Variants in TTC7B observed in about 807,000 individuals in gnomAD.
TTC7B encodes tetratricopeptide repeat protein 7B.
Under a neutral mutation model 106.8 loss-of-function variants are expected in TTC7B, and 28 were observed. The observed-to-expected ratio is 0.26, with a 90% CI of 0.19 to 0.36. The LOEUF (loss-of-function observed/expected upper bound fraction) is 0.36, where lower values mean the gene tolerates loss of function less well. Ranked by LOEUF, TTC7B falls within the 10% of genes least tolerant of loss-of-function variation. The probability of loss-of-function intolerance (pLI) is 1.00; values close to 1 mark genes in which losing one functional copy is unlikely to be tolerated. For synonymous variants in TTC7B, 405 were observed against 430.6 expected (o/e 0.94, Z 0.74); for missense variants, 862 against 1,076.4 (o/e 0.80, Z 2.79).
rs1889438273 is a variant in TTC7B, at chr14:90,537,252, T to G, written c.*4116A>C. On this transcript the variant is annotated 3_prime_UTR_variant, in exon 20 of 20. Transcript: ENST00000328459. ...TCATGCAGGCTGGACTGCGGTGGCG[T>G]GATCACTCACTGCAGCCTCAACCAC... is the stretch of plus-strand genomic sequence containing the variant. The G allele has an allele frequency of 6.6e-6, 1 of 152,234 alleles. No individual in the cohort carries two copies. The highest frequency in any genetic ancestry group is 2.4e-5 in the African/African-American group (1 of 41,432). 9.4% of individuals were successfully genotyped at this position (152,234 alleles called of 1,614,324 possible). A position where few individuals can be genotyped will look rare whatever the true frequency, so the allele number is the denominator to read the frequency against.
chr14:90,781,502 C>T (rs1891219144), intron 2 of TTC7B, among the ~76,000 whole-genome samples: 1 of 152,196 alleles, frequency 6.6e-6, no homozygotes, highest in African/African-American at 2.4e-5. Context: ...CTGCGGCTCC[C>T]TTCATCAGGC....
At chr14:90,680,639 T>A in intron 7 of TTC7B, 104 bp from the exon 8 acceptor site, 2 of 729,140 alleles carry the variant, frequency 2.7e-6, no homozygotes, top group South Asian at 1.7e-5. Flanking sequence ...ATAATACCCA[T>A]GAAAAATACT....
intron 6 of TTC7B, among the ~76,000 whole-genome samples, chr14:90,693,934 G>A (rs542381990): frequency 6.6e-6 from 1 of 152,264 alleles, no homozygotes; most frequent in South Asian, 2.1e-4. Flanking sequence ...ACTTGTACTT[G>A]CCCAAAAGTA....
At position 90,624,117 on chromosome 14, in the gene TTC7B, CGCGTGT is replaced by C. The variant is rs1884334877; in HGVS notation, c.1752-6078_1752-6073del. Reference sequence around the variant, plus strand: ...ATGTGTGCATGTGTGTGTGCGCGTGCGCGTGTGTGTGTTTTGTGACTTGTCTTTCAT... The same window carrying C: ...ATGTGTGCATGTGTGTGTGCGCGTGCGTGTGTTTTGTGACTTGTCTTTCAT... On this transcript the variant is annotated intron_variant, in intron 15 of 19. Coordinates refer to ENST00000328459, the MANE Select transcript of TTC7B (RefSeq NM_001010854.2). This position sits in a 1 kb window ranked among gnomAD's most constrained non-coding sequence, Gnocchi z 4.0. 6.6e-6 allele frequency among the ~76,000 whole-genome samples: 1 copy of C among 152,080 alleles called. No individual in the cohort carries two copies.
chr14:90,714,420 G>A (rs1888570755), intron 5 of TTC7B, among the ~76,000 whole-genome samples: 2 of 151,628 alleles, frequency 1.3e-5, no homozygotes, highest in South Asian at 4.2e-4. Flanking sequence ...GGAATGTTCT[G>A]AAACTGAATT....
chr14:90,627,216 G>C (rs1884483395), intron 15 of TTC7B, among the ~76,000 whole-genome samples: 1 of 152,092 alleles, frequency 6.6e-6, no homozygotes, highest in Admixed American at 6.5e-5. Flanking sequence ...GAACTCCCGG[G>C]CTCAAGAGAT....
At chr14:90,696,574 T>C (rs1338471381) in intron 5 of TTC7B, among the ~76,000 whole-genome samples, 1 of 152,212 alleles carries the variant, frequency 6.6e-6, no homozygotes, top group East Asian at 1.9e-4. Flanking sequence ...TGCAAAGATA[T>C]TAAATCAAAC....
chr14:90,685,905 T>C (rs1290618846), intron 7 of TTC7B, among the ~76,000 whole-genome samples: 1 of 152,144 alleles, frequency 6.6e-6, no homozygotes, highest in Non-Finnish European at 1.5e-5. Context: ...GTGGCTTCAC[T>C]GGTGAAGTCT....
intron 19 of TTC7B, among the ~76,000 whole-genome samples, chr14:90,548,121 A>G (rs1476447274): frequency 6.6e-6 from 1 of 152,214 alleles, no homozygotes; most frequent in East Asian, 1.9e-4. Context: ...GCTGATGGGC[A>G]GGCTCCCCTG....
intron 17 of TTC7B, among the ~76,000 whole-genome samples, chr14:90,607,459 G>A (rs1326237402): frequency 6.6e-6 from 1 of 152,222 alleles, no homozygotes; most frequent in East Asian, 1.9e-4. Flanking sequence ...ACCCGCCAGG[G>A]CTGGGTTCTC....
rs1479628806 is a variant in TTC7B at position 90,759,863 on chromosome 14, C to T, written c.446-14941G>A. ...TGTTAAAGAATGGCCCCGTCACAGG[C>T]ACCCCTGTGCAGCAGGCACTGTTGT... On this transcript the variant is annotated intron_variant, in intron 3 of 19. Coordinates refer to ENST00000328459, the MANE Select transcript of TTC7B (RefSeq NM_001010854.2). This position sits in a 1 kb window ranked among gnomAD's most constrained non-coding sequence, Gnocchi z 4.1. 2.6e-5 allele frequency among the ~76,000 whole-genome samples: 4 copies of T among 152,212 alleles called. No individual in the cohort carries two copies. The highest frequency in any genetic ancestry group is 6.5e-5 in the Admixed American group (1 of 15,280).
chr14:90,725,145 G>A (rs1180716463), intron 5 of TTC7B, among the ~76,000 whole-genome samples: 1 of 152,210 alleles, frequency 6.6e-6, no homozygotes, highest in African/African-American at 2.4e-5. Context: ...ACTGTCAAAA[G>A]TAGTGTGCAG....
In TTC7B at chr14:90,533,696, C is replaced by T. The variant is rs1168324729; in HGVS notation, c.*7672G>A. 6.6e-6 allele frequency: 1 copy of T among 152,274 alleles called. No individual in the cohort carries two copies. The highest frequency in any genetic ancestry group is 1.9e-4 in the East Asian group (1 of 5,196). The allele number at this position is 152,274 out of a possible 1,614,324, so 9.4% of individuals were successfully genotyped here. A position where few individuals can be genotyped will look rare whatever the true frequency, so the allele number is the denominator to read the frequency against. ...CCACAGCCCAGTGGTCACCAGGAAACCCTATTGTCCTCAGGGGGTCAAGGG... is the reference window on the plus strand; with the variant it reads ...CCACAGCCCAGTGGTCACCAGGAAATCCTATTGTCCTCAGGGGGTCAAGGG... On this transcript the variant is annotated 3_prime_UTR_variant, in exon 20 of 20. Coordinates refer to ENST00000328459, the MANE Select transcript of TTC7B (RefSeq NM_001010854.2).
rs1468697262 is a variant in TTC7B at position 90,807,727 on chromosome 14, A to C, written c.121+8448T>G. On this transcript the variant is annotated intron_variant, in intron 1 of 19. Transcript: ENST00000328459. The surrounding 1 kb of genome is among the most constrained non-coding windows in gnomAD (Gnocchi z 4.1). ...AGGCTGTTTACAAATGTAGATTTCC[A>C]GCTTCTACCTTGGGCCGAGAGAATC... Among the ~76,000 whole-genome samples, 1 of 152,242 alleles carries C rather than the reference A, an allele frequency of 6.6e-6. No homozygotes were observed. The highest frequency in any genetic ancestry group is 1.5e-5 in the Non-Finnish European group (1 of 68,050).
intron 7 of TTC7B, among the ~76,000 whole-genome samples, chr14:90,683,180 C>T (rs1887121445): frequency 6.6e-6 from 1 of 152,200 alleles, no homozygotes; most frequent in South Asian, 2.1e-4. Context: ...AGGTCACCGG[C>T]ATCCCCTAAA....
chr14:90,555,469 G>T (rs563436251), intron 19 of TTC7B, among the ~76,000 whole-genome samples: 6 of 152,188 alleles, frequency 3.9e-5, no homozygotes, highest in African/African-American at 1.4e-4. Flanking sequence ...CTGCCCTATC[G>T]CGTGCACGCT....
At chr14:90,547,820 C>T (rs1889903348) in intron 19 of TTC7B, among the ~76,000 whole-genome samples, 2 of 152,116 alleles carry the variant, frequency 1.3e-5, no homozygotes, top group African/African-American at 2.4e-5. Context: ...TTTTGGACAT[C>T]CCCATGGCAC....
Position 90,530,995 on chromosome 14 carries a change from T to C in TTC7B, c.*10373A>G, listed in dbSNP as rs897209897. 1 of 152,082 alleles carries C rather than the reference T, an allele frequency of 6.6e-6. No homozygotes were observed. The highest frequency in any genetic ancestry group is 1.5e-5 in the Non-Finnish European group (1 of 68,022). The allele number at this position is 152,082 out of a possible 1,614,324, so 9.4% of individuals were successfully genotyped here. A position where few individuals can be genotyped will look rare whatever the true frequency, so the allele number is the denominator to read the frequency against. On this transcript the variant is annotated 3_prime_UTR_variant, in exon 20 of 20. Coordinates refer to ENST00000328459, the MANE Select transcript of TTC7B (RefSeq NM_001010854.2). ...ATTCTATAGAATTTGAAGAACAAAA[T>C]GTAAATCTGCATAAATCTCTGTTAA...
chr14:90,537,115 A>G lies in TTC7B; in HGVS notation c.*4253T>C, dbSNP rs1430654790. On this transcript the variant is annotated 3_prime_UTR_variant, in exon 20 of 20. Coordinates refer to ENST00000328459, the MANE Select transcript of TTC7B (RefSeq NM_001010854.2). ...GGAGCACAGCCCCACTGAAAGCTTGATTTGACTTCTGACCTCCAAAACAAA... is the reference window on the plus strand; with the variant it reads ...GGAGCACAGCCCCACTGAAAGCTTGGTTTGACTTCTGACCTCCAAAACAAA... The G allele has an allele frequency of 6.6e-6, 1 of 152,262 alleles. No individual in the cohort carries two copies. The highest frequency in any genetic ancestry group is 1.9e-4 in the East Asian group (1 of 5,198). 9.4% of individuals were successfully genotyped at this position (152,262 alleles called of 1,614,324 possible).
Sources: gnomAD v4.1 joint callset for allele counts (sites outside exome capture counted in the v4.1 genomes callset) on GRCh38, gnomAD v4.1.1 for gene constraint, Gnocchi (gnomAD v3.1) non-coding constraint, MANE v1.5 for transcripts, NCBI Gene and HGNC (gene_info 2026-07-23, HGNC 2026-07-21) for gene names.